The following NLGN1 variants were observed in gnomAD, a reference collection of about 807,000 sequenced individuals.
The protein encoded by NLGN1 is neuroligin-1.
Under a neutral mutation model 65.5 loss-of-function variants are expected in NLGN1, and 12 were observed. The observed-to-expected ratio is 0.18, with a 90% CI of 0.12 to 0.30. The LOEUF (loss-of-function observed/expected upper bound fraction) is 0.30, where lower values mean the gene tolerates loss of function less well. NLGN1 is among the 10% of genes least tolerant of loss of function. The pLI, the probability that NLGN1 is intolerant of heterozygous loss-of-function variation, is 1.00. For missense variants in NLGN1, 750 were observed against 1,007.1 expected (o/e 0.74, Z 3.46); for synonymous variants, 350 against 359.5 (o/e 0.97, Z 0.30).
intron 4 of NLGN1, among the ~76,000 whole-genome samples, chr3:174,155,809 T>C (rs1262952211): frequency 1.3e-5 from 2 of 151,922 alleles, no homozygotes; most frequent in East Asian, 1.9e-4. Flanking sequence ...TTTTTGTAAT[T>C]TTAAAAAATA....
At chr3:173,484,045 C>G (rs1490107227) in intron 2 of NLGN1, among the ~76,000 whole-genome samples, 1 of 151,962 alleles carries the variant, frequency 6.6e-6, no homozygotes, top group African/African-American at 2.4e-5. Flanking sequence ...AGATGTTTAA[C>G]TACAGATGTT....
chr3:173,404,394 C>G (rs921490589), intron 1 of NLGN1, among the ~76,000 whole-genome samples: 3 of 152,124 alleles, frequency 2.0e-5, no homozygotes, highest in African/African-American at 7.2e-5. Flanking sequence ...TGACAATGCT[C>G]TATTTTCAGG....
At chr3:173,481,913 CTTTAATT>C (rs1727360259) in intron 2 of NLGN1, among the ~76,000 whole-genome samples, 1 of 151,758 alleles carries the variant, frequency 6.6e-6, no homozygotes, top group Admixed American at 6.6e-5. Context: ...TTCATTGGTG[CTTTAATT>C]TTTATTTCTT....
chr3:173,692,663 G>A (rs1015137843), intron 3 of NLGN1, among the ~76,000 whole-genome samples: 3 of 152,014 alleles, frequency 2.0e-5, no homozygotes, highest in African/African-American at 4.8e-5. Flanking sequence ...TTGGAAGTAC[G>A]CAGAAGGCTA....
At chr3:173,836,590 G>A (rs1418688129) in intron 4 of NLGN1, among the ~76,000 whole-genome samples, 8 of 151,946 alleles carry the variant, frequency 5.3e-5, no homozygotes, top group African/African-American at 1.5e-4. Flanking sequence ...TTTCTTCAAC[G>A]GCTTCTTCCA....
intron 4 of NLGN1, among the ~76,000 whole-genome samples, chr3:173,872,459 G>A (rs1443508260): frequency 5.3e-5 from 8 of 152,114 alleles, no homozygotes; most frequent in Non-Finnish European, 1.2e-4. Flanking sequence ...ATGACCACTG[G>A]ATTTTTCCAA....
intron 3 of NLGN1, among the ~76,000 whole-genome samples, chr3:173,701,957 C>A (rs556714732): frequency 6.6e-6 from 1 of 152,120 alleles, no homozygotes; most frequent in Non-Finnish European, 1.5e-5. Flanking sequence ...GAAGAGTTTT[C>A]GGCCGGGCGC....
At chr3:174,257,406 GTA>G (rs1745996390) in intron 4 of NLGN1, among the ~76,000 whole-genome samples, 1 of 152,292 alleles carries the variant, frequency 6.6e-6, no homozygotes, top group East Asian at 1.9e-4. Flanking sequence ...CCATTACTGG[GTA>G]TATATCCAAA....
intron 4 of NLGN1, among the ~76,000 whole-genome samples, chr3:174,035,753 G>A (rs79269409): frequency 6.6e-6 from 1 of 152,300 alleles, no homozygotes; most frequent in East Asian, 1.9e-4. Flanking sequence ...CTTGTAGCCA[G>A]TGATCCGCAA....
intron 4 of NLGN1, among the ~76,000 whole-genome samples, chr3:173,944,305 A>G (rs890194626): frequency 3.9e-5 from 6 of 152,164 alleles, no homozygotes; most frequent in Admixed American, 2.6e-4. Context: ...TCACAAACAT[A>G]CATGTGGAGA....
intron 4 of NLGN1, among the ~76,000 whole-genome samples, chr3:174,006,186 A>G (rs1258269414): frequency 1.3e-5 from 2 of 152,184 alleles, no homozygotes; most frequent in East Asian, 3.9e-4. Flanking sequence ...CCCTTCTCCA[A>G]TTTCTTGGCT....
chr3:173,524,682 A>G (rs1560382634), intron 2 of NLGN1, among the ~76,000 whole-genome samples: 1 of 152,150 alleles, frequency 6.6e-6, no homozygotes, highest in Admixed American at 6.5e-5. Flanking sequence ...CCCATTCATT[A>G]TGATGTTGGT....
At chr3:173,887,703 A>G (rs1734607681) in intron 4 of NLGN1, among the ~76,000 whole-genome samples, 1 of 151,892 alleles carries the variant, frequency 6.6e-6, no homozygotes, top group African/African-American at 2.4e-5. Flanking sequence ...TTAAAATACA[A>G]TCATTTTTAA....
At chr3:173,546,908 A>G (rs747488850) in intron 2 of NLGN1, among the ~76,000 whole-genome samples, 4 of 152,212 alleles carry the variant, frequency 2.6e-5, no homozygotes, top group Non-Finnish European at 4.4e-5. Context: ...ATAACTTAGA[A>G]AGTAATATGT....
chr3:173,844,844 C>T (rs1292127767), intron 4 of NLGN1, among the ~76,000 whole-genome samples: 1 of 152,158 alleles, frequency 6.6e-6, no homozygotes, highest in African/African-American at 2.4e-5. Context: ...AGAAAGAAAA[C>T]ATGTTGTCAC....
Position 173,792,168 on chromosome 3 carries a change from A to G in NLGN1, c.494-15512A>G, listed in dbSNP as rs570013021. On this transcript the variant is annotated intron_variant, in intron 3 of 6. Transcript: ENST00000457714. ...TCAAAGATGTTTAGCAAGGAGAGGC[A>G]TGTGTGAGACCAGAAACTGTTAAGA... Among the ~76,000 whole-genome samples, 444 of 152,228 alleles carry G rather than the reference A, an allele frequency of 2.9e-3. 1 individual carries two copies. The highest frequency in any genetic ancestry group is 3.5e-3 in the Non-Finnish European group (238 of 68,004).
chr3:174,044,580 C>A (rs547218065), intron 4 of NLGN1, among the ~76,000 whole-genome samples: 7 of 152,116 alleles, frequency 4.6e-5, no homozygotes, highest in Non-Finnish European at 7.4e-5. Context: ...CACCTCCATC[C>A]GAGACCACCT....
chr3:173,674,401 A>T lies in NLGN1; in HGVS notation c.493+69310A>T, dbSNP rs558210615. On this transcript the variant is annotated intron_variant, in intron 3 of 6. Transcript: ENST00000457714. ...TTATCCCAACTTTACAGATGAGGAG[A>T]CTGAGGCTTAGGGAGTTTAAATAGC... 5.3e-5 allele frequency among the ~76,000 whole-genome samples: 8 copies of T among 152,194 alleles called. No individual in the cohort carries two copies. The East Asian group carries it at 1.5e-3, about 29-fold the overall frequency.
intron 2 of NLGN1, among the ~76,000 whole-genome samples, chr3:173,478,375 G>A (rs535338796): frequency 6.6e-6 from 1 of 152,098 alleles, no homozygotes; most frequent in Admixed American, 6.5e-5. Flanking sequence ...ACACAAGGAG[G>A]GGAACAACAC....
Sources: allele counts gnomAD v4.1 joint callset (sites outside exome capture counted in the v4.1 genomes callset), GRCh38; gene constraint gnomAD v4.1.1; transcripts MANE v1.5; gene names NCBI Gene and HGNC (gene_info 2026-07-23, HGNC 2026-07-21).